ESRRG: variants seen among roughly 807,000 people sequenced by gnomAD.
The protein encoded by ESRRG is estrogen-related receptor gamma.
Under a neutral mutation model 44.0 loss-of-function variants are expected in ESRRG, and 13 were observed. The observed-to-expected ratio is 0.30, with a 90% CI of 0.19 to 0.47. The LOEUF is 0.47. ESRRG is among the 20% of genes least tolerant of loss of function. The probability of loss-of-function intolerance (pLI) is 1.00; values close to 1 mark genes in which losing one functional copy is unlikely to be tolerated. For synonymous variants in ESRRG, 215 were observed against 214.6 expected (o/e 1.00, Z -0.02); for missense variants, 395 against 580.6 (o/e 0.68, Z 3.29).
At chr1:216,619,937 G>A (rs549016612) in intron 3 of ESRRG, among the ~76,000 whole-genome samples, 74 of 152,112 alleles carry the variant, frequency 4.9e-4, no homozygotes, top group Non-Finnish European at 6.8e-4. Flanking sequence ...AGGCAACACC[G>A]AGTCAAGAAG....
intron 2 of ESRRG, among the ~76,000 whole-genome samples, chr1:216,783,817 G>A (rs374243477): frequency 2.6e-5 from 4 of 152,082 alleles, no homozygotes; most frequent in Middle Eastern, 3.4e-3. Context: ...CTCTTCCGAC[G>A]TTTTCAAGGC....
chr1:216,560,135 T>C (rs927433712), intron 5 of ESRRG, among the ~76,000 whole-genome samples: 4 of 152,184 alleles, frequency 2.6e-5, no homozygotes, highest in Non-Finnish European at 2.9e-5. Flanking sequence ...TTAAAGACTA[T>C]TTATTACATC....
intron 1 of ESRRG, among the ~76,000 whole-genome samples, chr1:216,961,168 A>G (rs2150175854): frequency 6.6e-6 from 1 of 152,326 alleles, no homozygotes; most frequent in African/African-American, 2.4e-5. Context: ...ATCCATGGGA[A>G]CAAGATGAAC....
chr1:216,887,926 G>A lies in ESRRG; in HGVS notation c.-14+51656C>T, dbSNP rs149205342. ...GGAGCTAAATCTTAGATGCAGTGAA[G>A]TTCTATTCACTTTGAATATTCATTG... On this transcript the variant is annotated intron_variant, in intron 2 of 7. Coordinates refer to the ESRRG transcript ENST00000359162. 2.0e-4 allele frequency among the ~76,000 whole-genome samples: 30 copies of A among 152,126 alleles called. No homozygotes were observed. The East Asian group carries it at 5.6e-3, about 28-fold the overall frequency.
chr1:216,923,455 T>C (rs1312979964), intron 2 of ESRRG, among the ~76,000 whole-genome samples: 1 of 152,090 alleles, frequency 6.6e-6, no homozygotes, highest in Non-Finnish European at 1.5e-5. Flanking sequence ...GGGACTTTTC[T>C]GCATTTTTTT....
At chr1:216,555,535 T>TAAA (rs5780894) in intron 5 of ESRRG, among the ~76,000 whole-genome samples, 1 of 144,800 alleles carries the variant, frequency 6.9e-6, no homozygotes, top group Admixed American at 6.8e-5. Flanking sequence ...GTGCCCTCTT[T>TAAA]AAAAAAAAAA....
At chr1:216,537,016 C>A (rs2051179064) in intron 5 of ESRRG, among the ~76,000 whole-genome samples, 1 of 151,968 alleles carries the variant, frequency 6.6e-6, no homozygotes, top group South Asian at 2.1e-4. Flanking sequence ...GAGCTTTGAG[C>A]AGAGATCTGA....
intron 3 of ESRRG, among the ~76,000 whole-genome samples, chr1:216,640,074 T>C (rs989504035): frequency 7.2e-5 from 11 of 152,194 alleles, no homozygotes; most frequent in Non-Finnish European, 1.5e-4. Flanking sequence ...CTGAAATCCA[T>C]CACACCTGAG....
rs144722269 is a variant in ESRRG at position 216,597,521 on chromosome 1, G to A, written c.590-29423C>T. 7.2e-5 allele frequency among the ~76,000 whole-genome samples: 11 copies of A among 152,252 alleles called. No individual in the cohort carries two copies. In the East Asian group the frequency reaches 2.1e-3, roughly 29 times the overall value. On this transcript the variant is annotated intron_variant, in intron 3 of 6. Transcript: ENST00000408911. ...AACTGTGTTTTCTAACATGTGTTATGTAACTTAATTAAAATAAAATAAAAT... is the reference window on the plus strand; with the variant it reads ...AACTGTGTTTTCTAACATGTGTTATATAACTTAATTAAAATAAAATAAAAT...
intron 5 of ESRRG, among the ~76,000 whole-genome samples, chr1:216,556,226 G>GA (rs368108710): frequency 0.029 from 4,372 of 148,696 alleles, 228 homozygotes; most frequent in African/African-American, 0.099. Flanking sequence ...AAGAGTGCCA[G>GA]AAAAAAAAAA....
chr1:216,513,847 G>C lies in ESRRG; in HGVS notation c.1132+5305C>G, dbSNP rs1163823186. Among the ~76,000 whole-genome samples the C allele has an allele frequency of 2.0e-5, 3 of 152,084 alleles. No individual in the cohort carries two copies. The East Asian group carries it at 5.8e-4, about 29-fold the overall frequency. ...CATAAAGACAATTATAGTATACTGG[G>C]TAAGTGAATGTTGATATCAATTTGG... On this transcript the variant is annotated intron_variant, in intron 6 of 6. Transcript: ENST00000408911.
intron 3 of ESRRG, among the ~76,000 whole-genome samples, chr1:216,643,119 G>A (rs1334179839): frequency 6.6e-6 from 1 of 152,172 alleles, no homozygotes; most frequent in Non-Finnish European, 1.5e-5. Flanking sequence ...CTCAAGCTGT[G>A]GTTCCAGCAA....
rs1237310864 is a variant in ESRRG, at chr1:216,514,445, TA to T, written c.1132+4706del. Among the ~76,000 whole-genome samples the T allele has an allele frequency of 4.6e-5, 7 of 152,174 alleles. No homozygotes were observed. The East Asian group carries it at 1.2e-3, about 25-fold the overall frequency. On this transcript the variant is annotated intron_variant, in intron 6 of 6. Transcript: ENST00000408911. ...CATATATTCATTTCTCATAAAATGT[TA>T]TAATTTCTTGGTAAACATTTCATGT...
chr1:216,984,103 A>G (rs1018473381), intron 1 of ESRRG, among the ~76,000 whole-genome samples: 1 of 152,044 alleles, frequency 6.6e-6, no homozygotes, highest in Non-Finnish European at 1.5e-5. Flanking sequence ...ACACGACTAC[A>G]TTTAGAACTT....
rs994821075 is a variant in ESRRG at position 216,696,791 on chromosome 1, AAATT to A, written c.57-19304_57-19301del. Among the ~76,000 whole-genome samples, 25 of 152,286 alleles carry A rather than the reference AAATT, an allele frequency of 1.6e-4. 1 individual carries two copies. The East Asian group carries it at 1.7e-3, about 11-fold the overall frequency. ...CTGTATTAAAATGTATAATTAATATAAATTAATTAACTCACTGTGCCTCAGTCAT... is the reference window on the plus strand; with the variant it reads ...CTGTATTAAAATGTATAATTAATATAAATTAACTCACTGTGCCTCAGTCAT... On this transcript the variant is annotated intron_variant, in intron 1 of 6. Transcript: ENST00000408911.
intron 1 of ESRRG, among the ~76,000 whole-genome samples, chr1:217,051,404 T>C (rs1022236492): frequency 6.6e-6 from 1 of 152,198 alleles, no homozygotes; most frequent in Non-Finnish European, 1.5e-5. Context: ...ACGCACCTTC[T>C]AATTATAAGA....
intron 2 of ESRRG, among the ~76,000 whole-genome samples, chr1:216,916,298 C>A (rs1299234383): frequency 1.3e-5 from 2 of 152,196 alleles, no homozygotes; most frequent in African/African-American, 4.8e-5. Flanking sequence ...TGTTTCAAAT[C>A]TTTTGATCAC....
intron 1 of ESRRG, among the ~76,000 whole-genome samples, chr1:216,943,507 G>A (rs1193241835): frequency 6.6e-6 from 1 of 152,196 alleles, no homozygotes; most frequent in African/African-American, 2.4e-5. Context: ...AAACATGGTA[G>A]CATGACAGTG....
At chr1:216,512,224 T>C (rs1308018028) in intron 6 of ESRRG, among the ~76,000 whole-genome samples, 4 of 152,204 alleles carry the variant, frequency 2.6e-5, no homozygotes, top group South Asian at 4.1e-4. Flanking sequence ...ACATCACTTA[T>C]AGGTGCCATA....
Sources: allele counts gnomAD v4.1 joint callset (sites outside exome capture counted in the v4.1 genomes callset), GRCh38; gene constraint gnomAD v4.1.1; transcripts MANE v1.5; gene names NCBI Gene and HGNC (gene_info 2026-07-23, HGNC 2026-07-21).